The following NPAS3 variants were observed in gnomAD, a reference collection of about 807,000 sequenced individuals.
The protein encoded by NPAS3 is neuronal PAS domain-containing protein 3.
A neutral mutation model predicts 73.1 loss-of-function variants in NPAS3; 14 were observed. That is an observed-to-expected ratio of 0.19 (90% CI 0.13 to 0.30). NPAS3 has a LOEUF of 0.30. Ranked by LOEUF, NPAS3 falls within the 10% of genes least tolerant of loss-of-function variation. The probability of loss-of-function intolerance (pLI) is 1.00; values close to 1 mark genes in which losing one functional copy is unlikely to be tolerated. For missense variants in NPAS3, 1,096 were observed against 1,250.0 expected, an observed-to-expected ratio of 0.88 and a Z score of 1.86; for synonymous variants, 620 against 541.5, an observed-to-expected ratio of 1.14 and a Z score of -2.01.
At chr14:33,345,629 T>C (rs2044689895) in intron 3 of NPAS3, among the ~76,000 whole-genome samples, 2 of 152,332 alleles carry the variant, frequency 1.3e-5, no homozygotes, top group African/African-American at 4.8e-5. Flanking sequence ...CCTTTTCTTG[T>C]GTTCACAAAA....
intron 3 of NPAS3, among the ~76,000 whole-genome samples, chr14:33,324,381 A>C (rs540812963): frequency 9.0e-4 from 137 of 152,338 alleles, no homozygotes; most frequent in Admixed American, 1.1e-3. Flanking sequence ...TAACAATAGC[A>C]ATAACAAAGT....
At chr14:33,495,793 G>T (rs776039609) in intron 4 of NPAS3, among the ~76,000 whole-genome samples, 4 of 151,774 alleles carry the variant, frequency 2.6e-5, no homozygotes, top group Non-Finnish European at 5.9e-5. Context: ...GACTAGGATT[G>T]CAACCTCTAC....
At chr14:33,013,881 G>A (rs2039299114) in intron 1 of NPAS3, among the ~76,000 whole-genome samples, 1 of 151,992 alleles carries the variant, frequency 6.6e-6, no homozygotes. Flanking sequence ...TTTAAATTTG[G>A]ATAAATATTG....
chr14:33,542,056 G>T (rs1486200567), intron 4 of NPAS3, among the ~76,000 whole-genome samples: 1 of 152,128 alleles, frequency 6.6e-6, no homozygotes, highest in Non-Finnish European at 1.5e-5. Context: ...GAGCTTGCTT[G>T]GTACCATGAT....
chr14:33,301,323 T>TATATATATATATATATATATA lies in NPAS3; in HGVS notation c.386-65863_386-65862insATATATATATATATATATATA, dbSNP rs1555370644. Among the ~76,000 whole-genome samples, 23 of 81,544 alleles carry TATATATATATATATATATATA rather than the reference T, an allele frequency of 2.8e-4. 2 individuals are homozygous for TATATATATATATATATATATA. The highest frequency in any genetic ancestry group is 8.6e-4 in the South Asian group (2 of 2,326). 53.5% of individuals were successfully genotyped at this position (81,544 alleles called of 152,430 possible). ...TTTTATCATTATATATATATATATA[T>TATATATATATATATATATATA]TTTTTTTTTTTAAATCTAGCTGTAA... On this transcript the variant is annotated intron_variant, in intron 3 of 11. Transcript: ENST00000356141.
At chr14:33,289,954 C>G (rs1438676510) in intron 3 of NPAS3, among the ~76,000 whole-genome samples, 1 of 152,176 alleles carries the variant, frequency 6.6e-6, no homozygotes, top group Non-Finnish European at 1.5e-5. Context: ...TCTCAGGCTT[C>G]AGTTTCCCCA....
chr14:32,939,799 G>T (rs1415952473), intron 1 of NPAS3, among the ~76,000 whole-genome samples: 1 of 151,956 alleles, frequency 6.6e-6, no homozygotes, highest in Middle Eastern at 3.2e-3. Flanking sequence ...AGGCTGGGGA[G>T]GGGGAGGGAA....
At chr14:33,297,142 A>G (rs2042336614) in intron 3 of NPAS3, among the ~76,000 whole-genome samples, 1 of 152,204 alleles carries the variant, frequency 6.6e-6, no homozygotes. Flanking sequence ...AGTTGAGAAC[A>G]TCGATTTGAA....
At chr14:33,772,912 C>A (rs755544938) in intron 7 of NPAS3, among the ~76,000 whole-genome samples, 2 of 152,088 alleles carry the variant, frequency 1.3e-5, no homozygotes, top group African/African-American at 4.8e-5. Flanking sequence ...CCTAAATAAT[C>A]CTCCTTATTG....
At chr14:33,305,652 G>A (rs2042725420) in intron 3 of NPAS3, among the ~76,000 whole-genome samples, 2 of 152,082 alleles carry the variant, frequency 1.3e-5, no homozygotes, top group African/African-American at 4.8e-5. Context: ...GATTACAGCT[G>A]TATCCAGGTT....
chr14:33,712,758 A>G (rs765073433), intron 6 of NPAS3, among the ~76,000 whole-genome samples: 2 of 152,196 alleles, frequency 1.3e-5, no homozygotes, highest in Non-Finnish European at 2.9e-5. Flanking sequence ...TTCATGATAC[A>G]CACTAGAACC....
intron 2 of NPAS3, among the ~76,000 whole-genome samples, chr14:33,204,173 G>A (rs1376384754): frequency 6.6e-6 from 1 of 152,150 alleles, no homozygotes; most frequent in Non-Finnish European, 1.5e-5. Context: ...CCTGAGTAAT[G>A]GAAGCCTAGA....
chr14:33,093,971 G>C (rs1455863963), intron 2 of NPAS3, among the ~76,000 whole-genome samples: 3 of 152,054 alleles, frequency 2.0e-5, no homozygotes, highest in Non-Finnish European at 4.4e-5. Flanking sequence ...GCCTGTTGTG[G>C]GGTGGGGGAA....
chr14:32,983,604 T>C (rs1281887605), intron 1 of NPAS3, among the ~76,000 whole-genome samples: 1 of 152,176 alleles, frequency 6.6e-6, no homozygotes, highest in Non-Finnish European at 1.5e-5. Flanking sequence ...TTTAAATCTT[T>C]GGCTGAAACT....
chr14:33,489,636 C>T (rs2051792345), intron 4 of NPAS3, among the ~76,000 whole-genome samples: 1 of 151,974 alleles, frequency 6.6e-6, no homozygotes, highest in African/African-American at 2.4e-5. Flanking sequence ...ACCAAAATTC[C>T]TTATTAGTTT....
chr14:33,297,535 T>G (rs1261302412), intron 3 of NPAS3, among the ~76,000 whole-genome samples: 1 of 152,170 alleles, frequency 6.6e-6, no homozygotes, highest in African/African-American at 2.4e-5. Flanking sequence ...GAGCATGCAT[T>G]TCACTAAAAA....
At chr14:33,063,056 G>A (rs1452373592) in intron 2 of NPAS3, among the ~76,000 whole-genome samples, 4 of 152,152 alleles carry the variant, frequency 2.6e-5, no homozygotes, top group African/African-American at 9.7e-5. Context: ...ATCTGGCTTT[G>A]ATCCTAGCCC....
chr14:33,309,366 C>T lies in NPAS3; in HGVS notation c.386-57820C>T, dbSNP rs1279473. Among the ~76,000 whole-genome samples, 1,314 of 152,244 alleles carry T rather than the reference C, an allele frequency of 8.6e-3. 6 individuals are homozygous for T. Among genetic ancestry groups the T allele is most frequent in the Non-Finnish European group, 0.014 (952 of 68,008 alleles). ...CACAAGCATTGAATATGTCAGAAATCTTTCAGAGAAAGTGTACATTTTAAC... is the reference window on the plus strand; with the variant it reads ...CACAAGCATTGAATATGTCAGAAATTTTTCAGAGAAAGTGTACATTTTAAC... On this transcript the variant is annotated intron_variant, in intron 3 of 11. Coordinates refer to ENST00000356141, the Ensembl canonical transcript of NPAS3.
chr14:33,501,694 GTTA>G (rs1419766769), intron 4 of NPAS3, among the ~76,000 whole-genome samples: 1 of 150,922 alleles, frequency 6.6e-6, no homozygotes, highest in East Asian at 2.0e-4. Flanking sequence ...TGACTAGGGT[GTTA>G]ACAGTCCTGA....
Sources: allele counts gnomAD v4.1 joint callset (sites outside exome capture counted in the v4.1 genomes callset), GRCh38; gene constraint gnomAD v4.1.1; transcripts MANE v1.5; gene names NCBI Gene and HGNC (gene_info 2026-07-23, HGNC 2026-07-21).